The following TAFA2 variants were observed in gnomAD, a reference collection of about 807,000 sequenced individuals.
TAFA2 encodes the protein chemokine-like protein TAFA-2.
In TAFA2, 7 loss-of-function variants were observed where a neutral mutation model predicts 18.8. The observed-to-expected ratio is 0.37, with a 90% confidence interval of 0.21 to 0.70. The LOEUF (loss-of-function observed/expected upper bound fraction) is 0.70. TAFA2 is among the 30% of genes least tolerant of loss of function. TAFA2 has a pLI of 0.53. For missense variants in TAFA2, 122 were observed against 158.1 expected, an observed-to-expected ratio of 0.77 and a Z score of 1.23; for synonymous variants, 60 against 54.2, an observed-to-expected ratio of 1.11 and a Z score of -0.47.
In TAFA2 at chr12:61,805,506, T is replaced by C. The variant is rs74699120; in HGVS notation, c.107-50482A>G. 9.2e-4 allele frequency among the ~76,000 whole-genome samples: 140 copies of C among 152,280 alleles called. 1 individual carries two copies. Among genetic ancestry groups the C allele is most frequent in the African/African-American group, 3.3e-3 (138 of 41,582 alleles). Reference sequence around the variant, plus strand: ...TTGAATTTTTGCCAAGTAAATGTTTTCAAAAGATTCATTGTCCATTGCCCA... The same window carrying C: ...TTGAATTTTTGCCAAGTAAATGTTTCCAAAAGATTCATTGTCCATTGCCCA... On this transcript the variant is annotated intron_variant, in intron 2 of 4. Coordinates refer to ENST00000416284, the MANE Select transcript of TAFA2 (RefSeq NM_178539.5).
At chr12:61,726,576 AT>A (rs1870177264) in intron 4 of TAFA2, among the ~76,000 whole-genome samples, 1 of 151,992 alleles carries the variant, frequency 6.6e-6, no homozygotes, top group East Asian at 1.9e-4. Context: ...ATTTGTGTAC[AT>A]TGATTTTGTA....
intron 4 of TAFA2, among the ~76,000 whole-genome samples, chr12:61,731,466 G>A (rs1321532581): frequency 6.6e-6 from 1 of 152,064 alleles, no homozygotes; most frequent in Non-Finnish European, 1.5e-5. Flanking sequence ...CTTAGCAGAA[G>A]TACAACACAT....
chr12:62,041,708 A>G (rs1881761236), intron 1 of TAFA2, among the ~76,000 whole-genome samples: 1 of 152,170 alleles, frequency 6.6e-6, no homozygotes, highest in African/African-American at 2.4e-5. Context: ...GTAAAAAATC[A>G]TCAAGACATA....
intron 1 of TAFA2, among the ~76,000 whole-genome samples, chr12:62,179,769 C>A (rs1326927112): frequency 1.3e-5 from 2 of 152,012 alleles, no homozygotes; most frequent in Non-Finnish European, 2.9e-5. Flanking sequence ...AACAAACTTC[C>A]CTTCTGATCT....
In TAFA2 at chr12:61,766,659, C is replaced by A. The variant is rs1445741317; in HGVS notation, c.107-11635G>T. ...TCTATGGCTTTTAATCTATGAATAT[C>A]CAGCTTGAGACACAGTTTGAGAGCC... On this transcript the variant is annotated intron_variant, in intron 2 of 4. Transcript: ENST00000416284. 3.3e-5 allele frequency among the ~76,000 whole-genome samples: 5 copies of A among 151,922 alleles called. 1 individual carries two copies. Among genetic ancestry groups the A allele is most frequent in the Non-Finnish European group, 5.9e-5 (4 of 67,960 alleles).
chr12:62,021,542 G>C lies in TAFA2; in HGVS notation c.-1-154116C>G, dbSNP rs920182756. 32 of 679,428 alleles carry C rather than the reference G, an allele frequency of 4.7e-5. No individual in the cohort carries two copies. The African/African-American group carries it at 5.7e-4, about 12-fold the overall frequency. The allele number at this position is 679,428 out of a possible 1,614,324, so 42.1% of individuals were successfully genotyped here. The stretch of plus-strand genomic sequence containing the variant: ...TTTACAGAACAACATCCAGACTCCA[G>C]AATACAGCTGCCAAGGAGACCCTGT... On this transcript the variant is annotated intron_variant, in intron 1 of 4. Coordinates refer to ENST00000416284, the MANE Select transcript of TAFA2 (RefSeq NM_178539.5).
intron 1 of TAFA2, among the ~76,000 whole-genome samples, chr12:62,058,518 T>A (rs534023696): frequency 6.6e-6 from 1 of 152,354 alleles, no homozygotes; most frequent in South Asian, 2.1e-4. Flanking sequence ...CTCAGAGGTC[T>A]CACATTTGAA....
At chr12:62,228,963 T>C (rs1280589301) in intron 1 of TAFA2, among the ~76,000 whole-genome samples, 1 of 152,210 alleles carries the variant, frequency 6.6e-6, no homozygotes, top group Non-Finnish European at 1.5e-5. Flanking sequence ...CTATGTATTA[T>C]ATATTTTTAT....
At chr12:61,893,597 G>A (rs1035081570) in intron 1 of TAFA2, among the ~76,000 whole-genome samples, 1 of 152,164 alleles carries the variant, frequency 6.6e-6, no homozygotes, top group Non-Finnish European at 1.5e-5. Context: ...GCTTTGAATA[G>A]CAGTGGAGAC....
At chr12:61,877,865 T>C (rs1190224787) in intron 1 of TAFA2, among the ~76,000 whole-genome samples, 2 of 150,848 alleles carry the variant, frequency 1.3e-5, no homozygotes, top group Non-Finnish European at 1.5e-5. Flanking sequence ...TCATACTAAA[T>C]TAGGTAATAG....
intron 4 of TAFA2, among the ~76,000 whole-genome samples, chr12:61,716,435 CTCT>C (rs763053527): frequency 1.4e-4 from 22 of 152,006 alleles, no homozygotes; most frequent in Non-Finnish European, 2.2e-4. Context: ...TTGATGGTTC[CTCT>C]ATTATTTTTC....
At chr12:62,049,087 A>G (rs183422237) in intron 1 of TAFA2, among the ~76,000 whole-genome samples, 47 of 152,306 alleles carry the variant, frequency 3.1e-4, no homozygotes, top group Non-Finnish European at 6.0e-4. Context: ...AAGTCTCATT[A>G]GGTGGAGTAC....
chr12:62,209,299 G>A (rs2062704442), intron 1 of TAFA2, among the ~76,000 whole-genome samples: 1 of 152,168 alleles, frequency 6.6e-6, no homozygotes, highest in Admixed American at 6.5e-5. Context: ...AAGATCTGAT[G>A]GTTTTATAAG....
chr12:61,854,424 G>A (rs1474180288), intron 2 of TAFA2, among the ~76,000 whole-genome samples: 3 of 152,038 alleles, frequency 2.0e-5, no homozygotes, highest in Non-Finnish European at 2.9e-5. Context: ...AGAGAGGGGG[G>A]AAGATCCTCA....
At chr12:62,099,746 C>T (rs995284642) in intron 1 of TAFA2, among the ~76,000 whole-genome samples, 2 of 152,098 alleles carry the variant, frequency 1.3e-5, no homozygotes, top group African/African-American at 4.8e-5. Flanking sequence ...TGATGTCATC[C>T]CAGCCCCGTG....
chr12:61,985,164 C>A (rs1160936695), intron 1 of TAFA2, among the ~76,000 whole-genome samples: 1 of 152,174 alleles, frequency 6.6e-6, no homozygotes, highest in Non-Finnish European at 1.5e-5. Context: ...ATAATCCCTG[C>A]ACTGAGAGCT....
intron 1 of TAFA2, among the ~76,000 whole-genome samples, chr12:62,002,133 A>G (rs988397593): frequency 1.3e-5 from 2 of 152,162 alleles, no homozygotes; most frequent in Non-Finnish European, 2.9e-5. Flanking sequence ...GGTCACTGCA[A>G]TTAGGTCCTG....
intron 2 of TAFA2, among the ~76,000 whole-genome samples, chr12:61,857,760 C>A (rs1159243592): frequency 6.7e-6 from 1 of 148,916 alleles, no homozygotes; most frequent in South Asian, 2.2e-4. Context: ...TGAAGGTTCA[C>A]CCCCTCCTTC....
chr12:62,026,599 T>A (rs1269804842), intron 1 of TAFA2, among the ~76,000 whole-genome samples: 1 of 152,170 alleles, frequency 6.6e-6, no homozygotes, highest in African/African-American at 2.4e-5. Flanking sequence ...TGGCAGACAG[T>A]GCTCATTCTG....
Sources: allele counts gnomAD v4.1 joint callset (sites outside exome capture counted in the v4.1 genomes callset), GRCh38; gene constraint gnomAD v4.1.1; transcripts MANE v1.5; gene names NCBI Gene and HGNC (gene_info 2026-07-23, HGNC 2026-07-21).